TEAD1: variants seen among roughly 807,000 people sequenced by gnomAD.
TEAD1 encodes TEA domain transcription factor 1.
Under a neutral mutation model 54.9 loss-of-function variants are expected in TEAD1, and 9 were observed. That is an observed-to-expected ratio of 0.16 (90% CI 0.10 to 0.29). The LOEUF (loss-of-function observed/expected upper bound fraction) is 0.29. Ranked by LOEUF, TEAD1 falls within the 10% of genes least tolerant of loss-of-function variation. The pLI is 1.00. For synonymous variants in TEAD1, 200 were observed against 187.8 expected (o/e 1.07, Z -0.53); for missense variants, 387 against 535.9 (o/e 0.72, Z 2.74).
In TEAD1 at chr11:12,872,248, G is replaced by T. The variant is rs371654732; in HGVS notation, c.330+7348G>T. 9.8e-5 allele frequency among the ~76,000 whole-genome samples: 15 copies of T among 152,298 alleles called. No individual in the cohort carries two copies. The South Asian group carries it at 2.9e-3, about 29-fold the overall frequency. ...AGGTAGACGTACTTCACTTCACTCT[G>T]TGTTGCTCCGTGAAGCCCCCTGAGC... On this transcript the variant is annotated intron_variant, in intron 5 of 12. Transcript: ENST00000527636.
At chr11:12,812,102 C>T (rs772982678) in intron 3 of TEAD1, among the ~76,000 whole-genome samples, 43 of 152,094 alleles carry the variant, frequency 2.8e-4, no homozygotes, top group Non-Finnish European at 5.3e-4. Context: ...TCATAGCTAA[C>T]CTCAGGGCCG....
intron 3 of TEAD1, among the ~76,000 whole-genome samples, chr11:12,824,453 A>T (rs773030474): frequency 6.6e-6 from 1 of 152,182 alleles, no homozygotes; most frequent in Non-Finnish European, 1.5e-5. Context: ...TTGCTGGGGA[A>T]TCTAAACTTT....
At chr11:12,864,564 C>T in intron 4 of TEAD1, 1 of 768,268 alleles carries the variant, frequency 1.3e-6, no homozygotes, top group Non-Finnish European at 1.9e-6. Flanking sequence ...AACCACCCCC[C>T]AACCCCACCC....
chr11:12,867,026 C>T (rs1016083148), intron 5 of TEAD1, among the ~76,000 whole-genome samples: 24 of 152,120 alleles, frequency 1.6e-4, no homozygotes, highest in Admixed American at 1.5e-3. Context: ...CTAATGCGTG[C>T]TCCCTCATTT....
At chr11:12,720,181 A>G (rs1944162836) in intron 2 of TEAD1, among the ~76,000 whole-genome samples, 1 of 151,828 alleles carries the variant, frequency 6.6e-6, no homozygotes. Context: ...TTATGGATCA[A>G]TTTGAATTTA....
At chr11:12,855,955 A>G (rs547908937) in intron 3 of TEAD1, among the ~76,000 whole-genome samples, 1 of 151,484 alleles carries the variant, frequency 6.6e-6, no homozygotes, top group Non-Finnish European at 1.5e-5. Context: ...CTTAAAAAAA[A>G]AAAAAAAGGA....
chr11:12,738,069 C>T (rs560907295), intron 2 of TEAD1, among the ~76,000 whole-genome samples: 1 of 152,072 alleles, frequency 6.6e-6, no homozygotes, highest in Non-Finnish European at 1.5e-5. Context: ...GGAAATTGCC[C>T]CCATGATTCA....
chr11:12,728,409 C>A (rs963932119), intron 2 of TEAD1, among the ~76,000 whole-genome samples: 1 of 152,182 alleles, frequency 6.6e-6, no homozygotes, highest in Admixed American at 6.5e-5. Flanking sequence ...AGGTGTAGCA[C>A]ACAGATAGCC....
At chr11:12,684,454 A>G (rs1466801627) in intron 2 of TEAD1, among the ~76,000 whole-genome samples, 2 of 152,198 alleles carry the variant, frequency 1.3e-5, no homozygotes, top group East Asian at 3.8e-4. Flanking sequence ...ATAGCAAAAC[A>G]ATGCTTAGGG....
intron 9 of TEAD1, among the ~76,000 whole-genome samples, chr11:12,890,112 A>T (rs1305434823): frequency 6.6e-6 from 1 of 152,194 alleles, no homozygotes; most frequent in East Asian, 1.9e-4. Flanking sequence ...TCCAGTCTGT[A>T]CATAAAGGAA....
In TEAD1 at chr11:12,905,588, C is replaced by G. The variant is rs557601347; in HGVS notation, c.873+3475C>G. ...CTAATGACTCAGTAAGAATGAATTA[C>G]ATTTAGAATATCTATCCTTGGATAT... is the stretch of plus-strand genomic sequence containing the variant. On this transcript the variant is annotated intron_variant, in intron 10 of 12. Coordinates refer to ENST00000527636, the MANE Select transcript of TEAD1 (RefSeq NM_021961.6). Among the ~76,000 whole-genome samples the G allele has an allele frequency of 1.7e-3, 261 of 152,314 alleles. 1 individual carries two copies. The highest frequency in any genetic ancestry group is 6.2e-3 in the African/African-American group (256 of 41,578).
chr11:12,725,081 A>C (rs1032136834), intron 2 of TEAD1, among the ~76,000 whole-genome samples: 9 of 152,230 alleles, frequency 5.9e-5, no homozygotes, highest in African/African-American at 2.2e-4. Flanking sequence ...GATATGCCTC[A>C]GAAGAAATAG....
chr11:12,911,336 A>G (rs1354891901), intron 10 of TEAD1, among the ~76,000 whole-genome samples: 5 of 152,198 alleles, frequency 3.3e-5, no homozygotes, highest in Non-Finnish European at 5.9e-5. Context: ...GCTTGTTTCT[A>G]ATTGTATTCT....
chr11:12,809,499 T>G (rs1946246922), intron 3 of TEAD1, among the ~76,000 whole-genome samples: 1 of 152,194 alleles, frequency 6.6e-6, no homozygotes, highest in South Asian at 2.1e-4. Flanking sequence ...TGGAAGAATG[T>G]CACTGATGGA....
At chr11:12,766,814 T>G (rs2133929142) in intron 3 of TEAD1, among the ~76,000 whole-genome samples, 1 of 152,332 alleles carries the variant, frequency 6.6e-6, no homozygotes, top group East Asian at 1.9e-4. Flanking sequence ...TTAACTCATT[T>G]GGAAGAACAA....
At chr11:12,828,437 A>G (rs914350215) in intron 3 of TEAD1, 1 of 152,146 alleles carries the variant, frequency 6.6e-6, no homozygotes, top group African/African-American at 2.4e-5. Flanking sequence ...GCTGTTCTAG[A>G]ACCAAGTTAG....
intron 5 of TEAD1, among the ~76,000 whole-genome samples, chr11:12,875,621 T>C (rs993788606): frequency 6.6e-6 from 1 of 152,204 alleles, no homozygotes; most frequent in Non-Finnish European, 1.5e-5. Flanking sequence ...GTAGTCAGAG[T>C]AGCTCGACCA....
rs144419835 is a variant in TEAD1 at position 12,943,629 on chromosome 11, G to C, written c.*6407G>C. On this transcript the variant is annotated 3_prime_UTR_variant, in exon 13 of 13. Transcript: ENST00000527636. Reference sequence around the variant, plus strand: ...CATGAAATGGGGTCAGATTCCATCAGATTCCACCTCTGTCAGGTGGACTCT... The same window carrying C: ...CATGAAATGGGGTCAGATTCCATCACATTCCACCTCTGTCAGGTGGACTCT... The C allele has an allele frequency of 4.6e-5, 7 of 152,250 alleles. No homozygotes were observed. Among genetic ancestry groups the C allele is most frequent in the African/African-American group, 1.7e-4 (7 of 41,546 alleles). The allele number at this position is 152,250 out of a possible 1,614,324, so 9.4% of individuals were successfully genotyped here.
At chr11:12,754,273 A>G (rs1292284546) in intron 2 of TEAD1, among the ~76,000 whole-genome samples, 3 of 152,168 alleles carry the variant, frequency 2.0e-5, no homozygotes, top group Admixed American at 2.0e-4. Flanking sequence ...CCAGCATCCC[A>G]ATGTTATTTG....
Sources: gnomAD v4.1 joint callset for allele counts (sites outside exome capture counted in the v4.1 genomes callset) on GRCh38, gnomAD v4.1.1 for gene constraint, MANE v1.5 for transcripts, NCBI Gene and HGNC (gene_info 2026-07-23, HGNC 2026-07-21) for gene names.